FRK: variants seen among roughly 807,000 people sequenced by gnomAD.
The protein encoded by FRK is tyrosine-protein kinase FRK.
In FRK, 51 loss-of-function variants were observed where a neutral mutation model predicts 56.4. The ratio of observed to expected loss-of-function variants is 0.90; its 90% CI spans 0.72 to 1.14. FRK has a LOEUF of 1.14. FRK is among the 50% of genes most tolerant of loss of function. The pLI is 0.00. For missense variants in FRK, 570 were observed against 601.4 expected (o/e 0.95, Z 0.55); for synonymous variants, 245 against 217.9 (o/e 1.12, Z -1.10).
intron 5 of FRK, among the ~76,000 whole-genome samples, chr6:115,950,397 T>C (rs1582636439): frequency 6.6e-6 from 1 of 152,156 alleles, no homozygotes; most frequent in East Asian, 1.9e-4. Context: ...AAAGAAGACA[T>C]TCATGCAGTC....
At chr6:115,942,693 T>C (rs760170948) in intron 7 of FRK, 68 bp from the exon 8 acceptor site, 61 of 1,319,400 alleles carry the variant, frequency 4.6e-5, no homozygotes, top group Non-Finnish European at 5.7e-5. Context: ...CTTAAACTTA[T>C]AGCCATTTAT....
At chr6:116,079,134 G>A in the FRK span, among the ~76,000 whole-genome samples, 2 of 151,970 alleles carry the variant, frequency 1.3e-5, no homozygotes, top group Admixed American at 6.6e-5. Context: ...CTCTAGCGGT[G>A]AAATTGCTGA....
chr6:116,039,426 G>T, intron 1 of FRK: 1 of 1,574,364 alleles, frequency 6.4e-7, no homozygotes, highest in Non-Finnish European at 8.7e-7. Flanking sequence ...AGCCTGAAGT[G>T]GATGGCTTCC....
the FRK span, among the ~76,000 whole-genome samples, chr6:116,090,710 A>G: frequency 6.6e-6 from 1 of 152,174 alleles, no homozygotes; most frequent in African/African-American, 2.4e-5. Flanking sequence ...ACCTCTCAAT[A>G]GTATGTTAGC....
intron 2 of FRK, among the ~76,000 whole-genome samples, chr6:115,969,931 T>C (rs1773738571): frequency 6.6e-6 from 1 of 152,228 alleles, no homozygotes. Flanking sequence ...TAATGCACTT[T>C]ATACCTATGC....
rs1772192840 is a variant in FRK, at chr6:115,941,701, A to T, written c.*713T>A. On this transcript the variant is annotated 3_prime_UTR_variant, in exon 8 of 8. Coordinates refer to ENST00000606080, the MANE Select transcript of FRK (RefSeq NM_002031.3). ...ATAGATAATAACTCATCCGTTTTGC[A>T]ACCTGATTCTCAATATTAAGAGATT... The T allele has an allele frequency of 6.6e-6, 1 of 152,146 alleles. No homozygotes were observed. The highest frequency in any genetic ancestry group is 2.4e-5 in the African/African-American group (1 of 41,412). 9.4% of individuals were successfully genotyped at this position (152,146 alleles called of 1,614,324 possible).
chr6:115,946,942 G>C (rs746030157), intron 5 of FRK, among the ~76,000 whole-genome samples: 1 of 152,138 alleles, frequency 6.6e-6, no homozygotes, highest in Non-Finnish European at 1.5e-5. Flanking sequence ...TGGAGATCAG[G>C]TATAAGGATT....
chr6:116,085,570 T>C, the FRK span, among the ~76,000 whole-genome samples: 1 of 152,250 alleles, frequency 6.6e-6, no homozygotes, highest in Non-Finnish European at 1.5e-5. Context: ...TCCATGCTGT[T>C]ACGATGAGTG....
At chr6:116,058,569 A>T (rs928972450) in intron 1 of FRK, among the ~76,000 whole-genome samples, 5 of 152,196 alleles carry the variant, frequency 3.3e-5, no homozygotes, top group Admixed American at 6.5e-5. Flanking sequence ...ACATGAGAAC[A>T]TAAGAGAATC....
Position 115,941,294 on chromosome 6 carries a change from G to C in FRK, c.*1120C>G, listed in dbSNP as rs1772168336. ...CACTCATAAGTGGGAGCTGAACAATGAGAACATATGGACACAAGGAGGGGA... is the reference window on the plus strand; with the variant it reads ...CACTCATAAGTGGGAGCTGAACAATCAGAACATATGGACACAAGGAGGGGA... On this transcript the variant is annotated 3_prime_UTR_variant, in exon 8 of 8. Coordinates refer to ENST00000606080, the MANE Select transcript of FRK (RefSeq NM_002031.3). 8.4e-6 allele frequency: 1 copy of C among 118,618 alleles called. No individual in the cohort carries two copies. Among genetic ancestry groups the C allele is most frequent in the South Asian group, 3.6e-4 (1 of 2,782 alleles). The allele number at this position is 118,618 out of a possible 1,614,324, so 7.3% of individuals were successfully genotyped here. A position where few individuals can be genotyped will look rare whatever the true frequency, so the allele number is the denominator to read the frequency against.
intron 1 of FRK, among the ~76,000 whole-genome samples, chr6:116,035,341 T>C (rs1395102493): frequency 1.6e-4 from 25 of 152,224 alleles, no homozygotes; most frequent in Admixed American, 1.6e-3. Context: ...CAAAAATTGT[T>C]CTAAGAAATC....
chr6:115,988,774 C>T (rs1019375107), intron 2 of FRK, among the ~76,000 whole-genome samples: 2 of 151,922 alleles, frequency 1.3e-5, no homozygotes, highest in Admixed American at 6.6e-5. Flanking sequence ...ATTTTTGTCA[C>T]TTGGAATAAC....
At chr6:116,086,290 A>G in the FRK span, among the ~76,000 whole-genome samples, 2 of 152,228 alleles carry the variant, frequency 1.3e-5, no homozygotes, top group African/African-American at 2.4e-5. Context: ...AGTAGGTAGT[A>G]TTATCTCAAT....
intron 2 of FRK, among the ~76,000 whole-genome samples, chr6:115,988,542 C>T: frequency 6.6e-6 from 1 of 151,878 alleles, no homozygotes; most frequent in East Asian, 1.9e-4. Context: ...TAAAAACAAA[C>T]AAAGTTAACA....
chr6:115,949,913 C>T (rs530543300), intron 5 of FRK, among the ~76,000 whole-genome samples: 1 of 152,212 alleles, frequency 6.6e-6, no homozygotes, highest in South Asian at 2.1e-4. Flanking sequence ...ACAAACCTTA[C>T]AAAAACAACC....
rs539109577 is a variant in FRK at position 115,933,582 on chromosome 6, C to A, written c.*8832G>T. 5.4e-4 allele frequency: 82 copies of A among 152,216 alleles called. No homozygotes were observed. The highest frequency in any genetic ancestry group is 3.4e-3 in the Middle Eastern group (1 of 294). 9.4% of individuals were successfully genotyped at this position (152,216 alleles called of 1,614,324 possible). On this transcript the variant is annotated 3_prime_UTR_variant, in exon 8 of 8. Transcript: ENST00000606080. ...TATTAAAACAGGAAAGGATAAACTT[C>A]TTTTCATATTTCAAAATCAGATCTT... is the stretch of plus-strand genomic sequence containing the variant.
At chr6:115,948,987 A>C (rs1772586249) in intron 5 of FRK, among the ~76,000 whole-genome samples, 1 of 152,230 alleles carries the variant, frequency 6.6e-6, no homozygotes, top group South Asian at 2.1e-4. Context: ...TGTGGTTAGA[A>C]AAATGAAGGA....
At chr6:116,039,474 C>T (rs1255334353) in intron 1 of FRK, 2 of 1,537,848 alleles carry the variant, frequency 1.3e-6, no homozygotes, top group African/African-American at 2.7e-5. Flanking sequence ...AATTCGTGGA[C>T]ATCATCAATG....
At chr6:116,100,210 G>T in the FRK span, among the ~76,000 whole-genome samples, 1 of 152,082 alleles carries the variant, frequency 6.6e-6, no homozygotes, top group African/African-American at 2.4e-5. Flanking sequence ...AACCAATATT[G>T]GTTTCCATAA....
Sources: gnomAD v4.1 joint callset for allele counts (sites outside exome capture counted in the v4.1 genomes callset) on GRCh38, gnomAD v4.1.1 for gene constraint, MANE v1.5 for transcripts, NCBI Gene and HGNC (gene_info 2026-07-23, HGNC 2026-07-21) for gene names.